The following GAP43 variants were observed in gnomAD, a reference collection of about 807,000 sequenced individuals.
GAP43 encodes neuromodulin.
A neutral mutation model predicts 18.6 loss-of-function variants in GAP43; 6 were observed. The ratio of observed to expected loss-of-function variants is 0.32; its 90% CI spans 0.18 to 0.64. GAP43 has a LOEUF of 0.64. Among genes scored for constraint, GAP43 ranks in the 30% least tolerant of loss-of-function variants. The probability of loss-of-function intolerance (pLI) is 0.78; values close to 1 mark genes in which losing one functional copy is unlikely to be tolerated. For missense variants in GAP43, 292 were observed against 295.5 expected (o/e 0.99, Z 0.09); for synonymous variants, 115 against 111.4 (o/e 1.03, Z -0.20).
intron 1 of GAP43, among the ~76,000 whole-genome samples, chr3:115,670,944 G>A (rs779262463): frequency 1.3e-5 from 2 of 152,130 alleles, no homozygotes; most frequent in Non-Finnish European, 2.9e-5. Context: ...GTACATCAAT[G>A]ATTTGTAATG....
At chr3:115,710,510 G>C (rs1213810138) in intron 2 of GAP43, among the ~76,000 whole-genome samples, 1 of 152,100 alleles carries the variant, frequency 6.6e-6, no homozygotes, top group Non-Finnish European at 1.5e-5. Flanking sequence ...CACTGCTATA[G>C]TTGAATATCA....
chr3:115,661,614 G>A (rs546807659), intron 1 of GAP43, among the ~76,000 whole-genome samples: 180 of 152,060 alleles, frequency 1.2e-3, no homozygotes, highest in Non-Finnish European at 1.5e-3. Context: ...TCAGCCTCCC[G>A]AGTAGCCGGG....
intron 1 of GAP43, among the ~76,000 whole-genome samples, chr3:115,626,140 C>T (rs79173725): frequency 0.012 from 1,851 of 152,328 alleles, 13 homozygotes; most frequent in South Asian, 0.023. Flanking sequence ...ACGCAGGTTG[C>T]CTGCTTGTGG....
intron 2 of GAP43, among the ~76,000 whole-genome samples, chr3:115,684,890 A>G (rs1426542826): frequency 2.6e-4 from 39 of 152,200 alleles, no homozygotes; most frequent in Non-Finnish European, 4.4e-5. Context: ...AAGAGACGTC[A>G]TTTATTTAAA....
intron 2 of GAP43, among the ~76,000 whole-genome samples, chr3:115,699,046 C>T (rs1406386558): frequency 6.6e-6 from 1 of 152,084 alleles, no homozygotes; most frequent in Admixed American, 6.6e-5. Flanking sequence ...ATTGGAATTC[C>T]CTGCTTCTGA....
chr3:115,691,952 G>A (rs1303606513), intron 2 of GAP43, among the ~76,000 whole-genome samples: 1 of 152,188 alleles, frequency 6.6e-6, no homozygotes, highest in African/African-American at 2.4e-5. Flanking sequence ...GTCACATCTT[G>A]TATTTCAATC....
rs1709483559 is a variant in GAP43 at position 115,714,812 on chromosome 3, T to A, written c.629-5982T>A. On this transcript the variant is annotated intron_variant, in intron 2 of 2. Transcript: ENST00000305124. ...TGGGGAGAAGCCATCACTAGGTAGA[T>A]AATAGTAATAGTCTTAGGAAATTCA... Among the ~76,000 whole-genome samples the A allele has an allele frequency of 1.3e-5, 2 of 151,896 alleles. 1 individual carries two copies. The highest frequency in any genetic ancestry group is 3.9e-4 in the East Asian group (2 of 5,170).
chr3:115,658,376 C>T (rs1424741821), intron 1 of GAP43, among the ~76,000 whole-genome samples: 1 of 152,186 alleles, frequency 6.6e-6, no homozygotes, highest in East Asian at 1.9e-4. Flanking sequence ...TCTGCCTTGG[C>T]CTTCCTACCC....
intron 1 of GAP43, 119 bp from the exon 2 acceptor site, chr3:115,675,894 A>T: frequency 7.0e-7 from 1 of 1,419,340 alleles, no homozygotes; most frequent in Non-Finnish European, 9.4e-7. Context: ...TGAATTCTTA[A>T]CTCCAAAAAC....
intron 1 of GAP43, among the ~76,000 whole-genome samples, chr3:115,674,037 CA>C (rs1708847971): frequency 1.3e-5 from 2 of 152,174 alleles, no homozygotes; most frequent in African/African-American, 4.8e-5. Flanking sequence ...CTAACAGCCC[CA>C]CATCATGATT....
chr3:115,625,650 G>A (rs1708178596), intron 1 of GAP43, among the ~76,000 whole-genome samples: 1 of 152,148 alleles, frequency 6.6e-6, no homozygotes, highest in South Asian at 2.1e-4. Flanking sequence ...AGGAAATCAT[G>A]TATGATTTTT....
intron 2 of GAP43, among the ~76,000 whole-genome samples, chr3:115,696,053 TTC>T (rs1192341422): frequency 4.6e-5 from 7 of 151,502 alleles, no homozygotes; most frequent in Admixed American, 2.0e-4. Context: ...CTCTTCTACA[TTC>T]TCTCTCTCTC....
intron 1 of GAP43, among the ~76,000 whole-genome samples, chr3:115,636,139 A>G (rs1230606132): frequency 1.3e-5 from 2 of 152,124 alleles, no homozygotes; most frequent in African/African-American, 2.4e-5. Flanking sequence ...AGGTCTCCAA[A>G]TATTAAAAAT....
chr3:115,681,445 T>C (rs1017646837), intron 2 of GAP43, among the ~76,000 whole-genome samples: 1 of 152,150 alleles, frequency 6.6e-6, no homozygotes, highest in Admixed American at 6.5e-5. Flanking sequence ...GATCTGATGC[T>C]TTTGGGAAAT....
intron 2 of GAP43, among the ~76,000 whole-genome samples, chr3:115,687,869 G>A (rs1247677903): frequency 6.6e-6 from 1 of 152,074 alleles, no homozygotes; most frequent in Admixed American, 6.5e-5. Flanking sequence ...TTTCAGGCAG[G>A]CATCCAATCT....
At chr3:115,704,839 T>C (rs1709340942) in intron 2 of GAP43, among the ~76,000 whole-genome samples, 1 of 152,140 alleles carries the variant, frequency 6.6e-6, no homozygotes, top group Non-Finnish European at 1.5e-5. Flanking sequence ...CTTTAGCTTT[T>C]CTCATAGAGA....
chr3:115,631,316 A>G (rs1257596984), intron 1 of GAP43, among the ~76,000 whole-genome samples: 1 of 152,118 alleles, frequency 6.6e-6, no homozygotes, highest in African/African-American at 2.4e-5. Context: ...ATGTTGGGTA[A>G]GTAATTTAAC....
intron 2 of GAP43, among the ~76,000 whole-genome samples, chr3:115,685,597 C>A (rs991366923): frequency 9.2e-5 from 14 of 152,202 alleles, no homozygotes; most frequent in African/African-American, 3.1e-4. Flanking sequence ...AGGGACATTG[C>A]AGTGGGAGGC....
chr3:115,658,066 A>T (rs2107478910), intron 1 of GAP43, among the ~76,000 whole-genome samples: 1 of 152,296 alleles, frequency 6.6e-6, no homozygotes, highest in South Asian at 2.1e-4. Context: ...AGCATTCAAC[A>T]CTGAAATAAT....
Sources: allele counts gnomAD v4.1 joint callset (sites outside exome capture counted in the v4.1 genomes callset), GRCh38; gene constraint gnomAD v4.1.1; transcripts MANE v1.5; gene names NCBI Gene and HGNC (gene_info 2026-07-23, HGNC 2026-07-21).